SMURF1: variants seen among roughly 807,000 people sequenced by gnomAD.
SMURF1 encodes the protein E3 ubiquitin-protein ligase SMURF1.
A neutral mutation model predicts 98.0 loss-of-function variants in SMURF1; 44 were observed. The observed-to-expected ratio is 0.45, with a 90% CI of 0.35 to 0.58. SMURF1 has a LOEUF of 0.58. Among genes scored for constraint, SMURF1 ranks in the 20% least tolerant of loss-of-function variants. The probability of loss-of-function intolerance (pLI) is 0.00; values close to 1 mark genes in which losing one functional copy is unlikely to be tolerated. For synonymous variants in SMURF1, 396 were observed against 374.9 expected, an observed-to-expected ratio of 1.06 and a Z score of -0.65; for missense variants, 687 against 938.4, an observed-to-expected ratio of 0.73 and a Z score of 3.50.
intron 1 of SMURF1, among the ~76,000 whole-genome samples, chr7:99,137,833 T>C (rs1798028556): frequency 6.6e-6 from 1 of 151,254 alleles, no homozygotes; most frequent in Non-Finnish European, 1.5e-5. Context: ...GGAAACAACA[T>C]TCCACTTGGT....
At chr7:99,133,974 A>AG (rs1247371545) in intron 1 of SMURF1, among the ~76,000 whole-genome samples, 6 of 152,088 alleles carry the variant, frequency 3.9e-5, no homozygotes, top group African/African-American at 9.7e-5. Flanking sequence ...TATCTTTGCC[A>AG]GGGGGGTGCG....
At chr7:99,049,352 A>G (rs1224124580) in intron 9 of SMURF1, 1 of 549,750 alleles carries the variant, frequency 1.8e-6, no homozygotes, top group African/African-American at 1.9e-5. Context: ...TGCAAGTAAG[A>G]AAAGGGTAGC....
At chr7:99,045,829 A>G (rs1216002573) in intron 10 of SMURF1, 28 bp from the exon 11 acceptor site, 1 of 1,524,612 alleles carries the variant, frequency 6.6e-7, no homozygotes, top group East Asian at 2.2e-5. Context: ...AGTTTCAGAG[A>G]GAAGAACATT....
At chr7:99,047,910 C>G in intron 9 of SMURF1, 28 bp from the exon 10 acceptor site, 1 of 1,608,310 alleles carries the variant, frequency 6.2e-7, no homozygotes, top group Non-Finnish European at 8.5e-7. Context: ...CAGAAAGTCA[C>G]TCCGAAGCCC....
chr7:99,052,421 C>A lies in SMURF1; in HGVS notation c.505G>T (p.Gly169Trp). ...EGTVYEDSGP[G>W]RPLSCFMEEP... ...TCCATGAAGCAGCTGAGCGGCCTCC[C>A]AGGCCCGGAGTCTTCATACACCGTT... Residue 169 changes from glycine to tryptophan, a missense_variant, in exon 7 of 18, where the codon GGG becomes TGG. Gly to Trp is a radical substitution (Grantham distance 184, BLOSUM62 -2). Coordinates refer to ENST00000361368, the MANE Select transcript of SMURF1 (RefSeq NM_181349.3). The A allele has an allele frequency of 6.3e-7, 1 of 1,589,594 alleles. No homozygotes were observed. Among genetic ancestry groups the A allele is most frequent in the Non-Finnish European group, 8.6e-7 (1 of 1,166,324 alleles).
intron 1 of SMURF1, among the ~76,000 whole-genome samples, chr7:99,123,292 C>G (rs1393441804): frequency 6.6e-6 from 1 of 152,072 alleles, no homozygotes; most frequent in Admixed American, 6.5e-5. Flanking sequence ...AATTCCAGCA[C>G]TTTGGGAGGC....
chr7:99,030,483 T>C lies in SMURF1; in HGVS notation c.*101A>G. 1 of 980,038 alleles carries C rather than the reference T, an allele frequency of 1.0e-6. No homozygotes were observed. Among genetic ancestry groups the C allele is most frequent in the Non-Finnish European group, 1.6e-6 (1 of 627,836 alleles). 60.7% of individuals were successfully genotyped at this position (980,038 alleles called of 1,614,324 possible). ...GACAACCCTTTCCCCTCAGGTGATCTGGAATTCCAGGGCCTCTGCCAGCTT... is the reference window on the plus strand; with the variant it reads ...GACAACCCTTTCCCCTCAGGTGATCCGGAATTCCAGGGCCTCTGCCAGCTT... On this transcript the variant is annotated 3_prime_UTR_variant, in exon 18 of 18. Transcript: ENST00000361368.
intron 14 of SMURF1, among the ~76,000 whole-genome samples, chr7:99,037,684 C>T (rs1795199928): frequency 6.6e-6 from 1 of 152,176 alleles, no homozygotes; most frequent in Non-Finnish European, 1.5e-5. Flanking sequence ...CAGCACGTGC[C>T]CTGATTCATT....
chr7:99,046,616 C>T (rs1166067686), intron 10 of SMURF1, among the ~76,000 whole-genome samples: 1 of 150,784 alleles, frequency 6.6e-6, no homozygotes, highest in African/African-American at 2.4e-5. Context: ...CCTGTAATCC[C>T]AGCTACACGG....
At chr7:99,094,815 T>G (rs960503431) in intron 1 of SMURF1, among the ~76,000 whole-genome samples, 3 of 152,206 alleles carry the variant, frequency 2.0e-5, no homozygotes, top group Admixed American at 1.3e-4. Context: ...GTTTCATGAC[T>G]AAAAGTTTCA....
intron 1 of SMURF1, among the ~76,000 whole-genome samples, chr7:99,115,645 T>C (rs1048177126): frequency 5.3e-5 from 8 of 152,068 alleles, no homozygotes; most frequent in Non-Finnish European, 7.4e-5. Context: ...CTATGAATAA[T>C]TGTATGCCAA....
intron 17 of SMURF1, chr7:99,032,787 T>C (rs970770554): frequency 1.9e-6 from 1 of 525,724 alleles, no homozygotes; most frequent in Non-Finnish European, 3.4e-6. Context: ...TTTTTTTACA[T>C]GGCCAGTAAA....
chr7:99,083,030 G>T (rs1385437643), intron 1 of SMURF1, among the ~76,000 whole-genome samples: 1 of 151,798 alleles, frequency 6.6e-6, no homozygotes, highest in Non-Finnish European at 1.5e-5. Flanking sequence ...AGTAGATTAG[G>T]GTTTGCATAG....
intron 1 of SMURF1, among the ~76,000 whole-genome samples, chr7:99,083,896 A>G (rs545076084): frequency 1.2e-4 from 18 of 152,388 alleles, no homozygotes; most frequent in Admixed American, 7.8e-4. Flanking sequence ...TATTTCAGCT[A>G]GAATGTGGGC....
chr7:99,047,558 C>T, intron 10 of SMURF1, 126 bp downstream of exon 10: 3 of 952,820 alleles, frequency 3.1e-6, no homozygotes, highest in East Asian at 2.5e-5. Context: ...CCCTGAAACG[C>T]AGACATCACC....
intron 1 of SMURF1, among the ~76,000 whole-genome samples, chr7:99,087,386 A>T (rs1367190817): frequency 6.6e-6 from 1 of 152,184 alleles, no homozygotes; most frequent in Admixed American, 6.5e-5. Flanking sequence ...CCCTGTCTTA[A>T]AACAAACAAA....
In SMURF1 at chr7:99,057,608, T is replaced by G. The variant is rs201967428; in HGVS notation, c.204-57A>C. On this transcript the variant is annotated intron_variant, in intron 3 of 17. Coordinates refer to ENST00000361368, the MANE Select transcript of SMURF1 (RefSeq NM_181349.3). ...TGTGTTTGGTTTTTTTTGTTTTGTT[T>G]TTTTTTTTTTTTGAGATAGAATCCT... 1.4e-5 allele frequency: 20 copies of G among 1,403,642 alleles called. No individual in the cohort carries two copies. In the Admixed American group the frequency reaches 1.4e-4, roughly 10 times the overall value. 86.9% of individuals were successfully genotyped at this position (1,403,642 alleles called of 1,614,324 possible).
At chr7:99,112,199 T>C (rs941572789) in intron 1 of SMURF1, among the ~76,000 whole-genome samples, 5 of 152,194 alleles carry the variant, frequency 3.3e-5, no homozygotes, top group African/African-American at 1.2e-4. Context: ...CCTAAGCTCC[T>C]ACCTCTGGCT....
intron 1 of SMURF1, among the ~76,000 whole-genome samples, chr7:99,088,933 C>T (rs747574180): frequency 3.3e-5 from 5 of 151,988 alleles, no homozygotes; most frequent in South Asian, 2.1e-4. Context: ...AGGCTGGGTG[C>T]GCTGGCTCAC....
Sources: gnomAD v4.1 joint callset for allele counts (sites outside exome capture counted in the v4.1 genomes callset) on GRCh38, gnomAD v4.1.1 for gene constraint, MANE v1.5 for transcripts, NCBI Gene and HGNC (gene_info 2026-07-23, HGNC 2026-07-21) for gene names.